Variants in FBXO43 observed in about 807,000 individuals in gnomAD.
FBXO43 encodes the protein F-box protein 43.
FBXO43 carries 22 observed loss-of-function variants against 56.7 expected under a neutral mutation model. The ratio of observed to expected loss-of-function variants is 0.39; its 90% CI spans 0.28 to 0.55. The LOEUF is 0.55. FBXO43 is among the 20% of genes least tolerant of loss of function. The probability of loss-of-function intolerance (pLI) is 0.66; values close to 1 mark genes in which losing one functional copy is unlikely to be tolerated. For missense variants in FBXO43, 733 were observed against 814.9 expected (o/e 0.90, Z 1.22); for synonymous variants, 306 against 294.5 (o/e 1.04, Z -0.40).
intron 1 of FBXO43, 137 bp downstream of exon 1, chr8:100,144,914 A>T (rs1814778072): frequency 9.3e-7 from 1 of 1,079,220 alleles, no homozygotes; most frequent in African/African-American, 1.7e-5. Context: ...CCTGGGCGAC[A>T]GAGCGACTCC....
At chr8:100,138,194 A>G (rs1169465098) in intron 2 of FBXO43, among the ~76,000 whole-genome samples, 1 of 152,262 alleles carries the variant, frequency 6.6e-6, no homozygotes, top group African/African-American at 2.4e-5. Flanking sequence ...AATATGAAGC[A>G]GCTAAAGAAA....
At chr8:100,144,793 G>T (rs1439381341) in intron 1 of FBXO43, among the ~76,000 whole-genome samples, 1 of 151,792 alleles carries the variant, frequency 6.6e-6, no homozygotes, top group East Asian at 1.9e-4. Context: ...TTATCCGGGC[G>T]TGGTGGCGGG....
rs147270572 is a variant in FBXO43, at chr8:100,145,322, T to C, written c.-187A>G. On this transcript the variant is annotated 5_prime_UTR_variant, in exon 1 of 5. In the 5' UTR this introduces an upstream ATG that the reference lacks. Coordinates refer to ENST00000428847, the MANE Select transcript of FBXO43 (RefSeq NM_001029860.4). Reference sequence around the variant, plus strand: ...GCCCTCCAGAAAATAGTTATCTTAATATCCTTGTTTTCTCCAGCTGGACTT... The same window carrying C: ...GCCCTCCAGAAAATAGTTATCTTAACATCCTTGTTTTCTCCAGCTGGACTT... 8.5e-4 allele frequency: 385 copies of C among 453,044 alleles called. 2 individuals carry two copies. Among genetic ancestry groups the C allele is most frequent in the African/African-American group, 6.6e-3 (327 of 49,486 alleles). 28.1% of individuals were successfully genotyped at this position (453,044 alleles called of 1,614,324 possible). A position where few individuals can be genotyped will look rare whatever the true frequency, so the allele number is the denominator to read the frequency against.
At chr8:100,147,657 G>A (rs1368082035), upstream of FBXO43, among the ~76,000 whole-genome samples, 1 of 152,168 alleles carries the variant, frequency 6.6e-6, no homozygotes, top group East Asian at 1.9e-4. Flanking sequence ...TGGCTGCTAG[G>A]AGACCAGTAG....
intron 3 of FBXO43, among the ~76,000 whole-genome samples, chr8:100,134,773 G>A (rs1814419741): frequency 6.6e-6 from 1 of 152,120 alleles, no homozygotes; most frequent in African/African-American, 2.4e-5. Flanking sequence ...GTAAACAAAA[G>A]AGTGGAGAAA....
At chr8:100,139,902 G>C (rs1347949737) in intron 2 of FBXO43, among the ~76,000 whole-genome samples, 2 of 152,050 alleles carry the variant, frequency 1.3e-5, no homozygotes, top group Non-Finnish European at 2.9e-5. Flanking sequence ...TTAAATTCTA[G>C]AACTTAAATA....
In FBXO43 at chr8:100,141,407, G is replaced by A; in HGVS notation, c.847C>T (p.Leu283=). Residue 283 remains leucine (L), a synonymous_variant, in exon 2 of 5, where the codon CTG becomes TTG. Coordinates refer to ENST00000428847, the MANE Select transcript of FBXO43 (RefSeq NM_001029860.4). ...INDENACPEL[L]GSSVSGTTCG... ...GTTGTTCCACTAACAGAGGAGCCCAGGAGCTCTGGACATGCATTCTCATCA... is the reference window on the plus strand; with the variant it reads ...GTTGTTCCACTAACAGAGGAGCCCAAGAGCTCTGGACATGCATTCTCATCA... The A allele has an allele frequency of 6.2e-7, 1 of 1,613,510 alleles. No homozygotes were observed. The highest frequency in any genetic ancestry group is 8.5e-7 in the Non-Finnish European group (1 of 1,180,014).
In FBXO43 at chr8:100,133,970, C is replaced by A; in HGVS notation, c.1959G>T (p.Lys653Asn). 6.2e-7 allele frequency: 1 copy of A among 1,614,180 alleles called. No homozygotes were observed. The highest frequency in any genetic ancestry group is 2.2e-5 in the East Asian group (1 of 44,880). The change falls in exon 5 of 5, where the codon AAG (lysine) becomes AAT (asparagine). Residue 653 changes from lysine (K) to asparagine (N), a missense_variant. Lys to Asn is a moderately conservative substitution (Grantham distance 94, BLOSUM62 0). Transcript: ENST00000428847. ...CTGTTCGGCTACACAGTCCCCTTTT[C>A]TTATATGGCTGGTACTTAGCAGGGG... ...CQSPAKYQPY[K>N]KRGLCSRTAC...
intron 3 of FBXO43, among the ~76,000 whole-genome samples, chr8:100,136,163 A>G (rs1814466104): frequency 6.6e-6 from 1 of 152,242 alleles, no homozygotes; most frequent in Admixed American, 6.5e-5. Context: ...ACAAACTCCC[A>G]GAGCCAGCAG....
At chr8:100,135,538 A>G (rs1814443231) in intron 3 of FBXO43, among the ~76,000 whole-genome samples, 1 of 152,158 alleles carries the variant, frequency 6.6e-6, no homozygotes. Flanking sequence ...AGAGCATAAG[A>G]AAGGGGGGAA....
chr8:100,149,474 G>C (rs528866474), upstream of FBXO43, among the ~76,000 whole-genome samples: 1 of 152,292 alleles, frequency 6.6e-6, no homozygotes, highest in South Asian at 2.1e-4. Context: ...TCACCTCTTT[G>C]GTTAAGAGGA....
chr8:100,148,065 C>T (rs1814863047), upstream of FBXO43, among the ~76,000 whole-genome samples: 1 of 152,176 alleles, frequency 6.6e-6, no homozygotes, highest in Admixed American at 6.5e-5. Context: ...ATTATCTACT[C>T]ATTTTTGTTT....
chr8:100,135,927 C>T (rs3116073), intron 3 of FBXO43, among the ~76,000 whole-genome samples: 7,903 of 140,398 alleles, frequency 0.056, 627 homozygotes, highest in African/African-American at 0.17. Context: ...TATTTCTTTT[C>T]TTTTTTTTTT....
Position 100,133,792 on chromosome 8 carries a change from T to A in FBXO43, c.*10A>T, listed in dbSNP as rs766820518. 1 of 1,610,558 alleles carries A rather than the reference T, an allele frequency of 6.2e-7. No individual in the cohort carries two copies. The highest frequency in any genetic ancestry group is 8.5e-7 in the Non-Finnish European group (1 of 1,178,832). ...GAACACTGCATGGGGGAGTTCTATA[T>A]TTAGTCTCTTCAGAGGCGTTTTAAA... On this transcript the variant is annotated 3_prime_UTR_variant, in exon 5 of 5. Coordinates refer to ENST00000428847, the MANE Select transcript of FBXO43 (RefSeq NM_001029860.4).
intron 2 of FBXO43, among the ~76,000 whole-genome samples, chr8:100,139,120 G>A (rs1397534286): frequency 6.6e-6 from 1 of 152,058 alleles, no homozygotes; most frequent in Non-Finnish European, 1.5e-5. Context: ...TATTCCTGTC[G>A]CCTTGAGTGG....
chr8:100,143,827 A>T (rs1814732264), intron 1 of FBXO43, among the ~76,000 whole-genome samples: 1 of 152,042 alleles, frequency 6.6e-6, no homozygotes, highest in Admixed American at 6.6e-5. Flanking sequence ...GCTGGAGTGC[A>T]GTGGCGTGAT....
At chr8:100,140,167 G>A (rs1035846514) in intron 2 of FBXO43, among the ~76,000 whole-genome samples, 1 of 152,198 alleles carries the variant, frequency 6.6e-6, no homozygotes, top group Admixed American at 6.5e-5. Context: ...TGCTACTTAA[G>A]CAGGCTTTTA....
chr8:100,134,632 T>G (rs909815629), intron 3 of FBXO43, among the ~76,000 whole-genome samples: 1 of 151,840 alleles, frequency 6.6e-6, no homozygotes, highest in African/African-American at 2.4e-5. Flanking sequence ...TTTCCATTTA[T>G]TTTAAACTTG....
chr8:100,142,612 G>GA (rs397705303), intron 1 of FBXO43, among the ~76,000 whole-genome samples: 1 of 151,428 alleles, frequency 6.6e-6, no homozygotes, highest in African/African-American at 2.4e-5. Context: ...AAACACCTTG[G>GA]GAATGTGTCA....
Sources: allele counts gnomAD v4.1 joint callset (sites outside exome capture counted in the v4.1 genomes callset), GRCh38; gene constraint gnomAD v4.1.1; transcripts MANE v1.5; gene names NCBI Gene and HGNC (gene_info 2026-07-23, HGNC 2026-07-21).